The following GAP43 variants were observed in gnomAD, a reference collection of about 807,000 sequenced individuals.
GAP43 encodes neuromodulin.
A neutral mutation model predicts 18.6 loss-of-function variants in GAP43; 6 were observed. That is an observed-to-expected ratio of 0.32 (90% CI 0.18 to 0.64). The LOEUF is 0.64. Ranked by LOEUF, GAP43 falls within the 30% of genes least tolerant of loss-of-function variation. The pLI is 0.78. For missense variants in GAP43, 292 were observed against 295.5 expected (o/e 0.99, Z 0.09); for synonymous variants, 115 against 111.4 (o/e 1.03, Z -0.20).
chr3:115,719,833 G>T (rs1709555048), intron 2 of GAP43, among the ~76,000 whole-genome samples: 1 of 152,152 alleles, frequency 6.6e-6, no homozygotes, highest in Admixed American at 6.6e-5. Flanking sequence ...TGATTGTTTG[G>T]CAACACAAGT....
chr3:115,667,074 C>T (rs1017690376), intron 1 of GAP43, among the ~76,000 whole-genome samples: 2 of 152,116 alleles, frequency 1.3e-5, no homozygotes, highest in Non-Finnish European at 2.9e-5. Context: ...AGTTTACACA[C>T]TCTCTGAGCA....
intron 2 of GAP43, among the ~76,000 whole-genome samples, chr3:115,687,741 C>A (rs866637879): frequency 1.3e-5 from 2 of 152,110 alleles, no homozygotes; most frequent in Non-Finnish European, 2.9e-5. Flanking sequence ...CTTGGTTAAA[C>A]TTTGATTTCA....
intron 1 of GAP43, among the ~76,000 whole-genome samples, chr3:115,633,803 C>G (rs1056997829): frequency 3.9e-5 from 6 of 152,140 alleles, no homozygotes; most frequent in Non-Finnish European, 5.9e-5. Context: ...AATGGTGTAG[C>G]TTTGCTCTAA....
At chr3:115,710,361 TG>T (rs1437521669) in intron 2 of GAP43, among the ~76,000 whole-genome samples, 1 of 152,184 alleles carries the variant, frequency 6.6e-6, no homozygotes, top group Non-Finnish European at 1.5e-5. Context: ...AATCAAATTT[TG>T]TTTGGAGATA....
chr3:115,697,034 C>CCACCATATTGGTCAGGATGGT (rs1428410422), intron 2 of GAP43, among the ~76,000 whole-genome samples: 2 of 151,746 alleles, frequency 1.3e-5, no homozygotes, highest in Non-Finnish European at 1.5e-5. Flanking sequence ...AGATGGGGCT[C>CCACCATATTGGTCAGGATGGT]CACCATATTG....
intron 1 of GAP43, among the ~76,000 whole-genome samples, chr3:115,636,781 T>G (rs569619262): frequency 1.3e-5 from 2 of 152,214 alleles, no homozygotes; most frequent in South Asian, 2.1e-4. Flanking sequence ...TTGTCTTATC[T>G]CCTAGTGGCT....
At chr3:115,712,658 G>A (rs951258131) in intron 2 of GAP43, among the ~76,000 whole-genome samples, 4 of 152,118 alleles carry the variant, frequency 2.6e-5, no homozygotes, top group Admixed American at 1.3e-4. Context: ...CATATTATGT[G>A]TATATTAGGA....
At chr3:115,645,263 T>C (rs1708444284) in intron 1 of GAP43, among the ~76,000 whole-genome samples, 1 of 152,008 alleles carries the variant, frequency 6.6e-6, no homozygotes, top group South Asian at 2.1e-4. Flanking sequence ...CCTTGCTAGG[T>C]TGGAGTTCAG....
At chr3:115,658,369 G>T (rs985857572) in intron 1 of GAP43, among the ~76,000 whole-genome samples, 10 of 152,070 alleles carry the variant, frequency 6.6e-5, no homozygotes, top group African/African-American at 2.4e-4. Context: ...TCGTTTCTCT[G>T]CCTTGGCCTT....
At chr3:115,636,250 A>G (rs1708328663) in intron 1 of GAP43, among the ~76,000 whole-genome samples, 1 of 152,120 alleles carries the variant, frequency 6.6e-6, no homozygotes, top group Admixed American at 6.6e-5. Flanking sequence ...ACTCTTAACA[A>G]TATCTTTGAG....
At chr3:115,630,210 T>G (rs976555723) in intron 1 of GAP43, among the ~76,000 whole-genome samples, 1 of 152,096 alleles carries the variant, frequency 6.6e-6, no homozygotes, top group East Asian at 1.9e-4. Context: ...CAACTAAGAG[T>G]AGCAATATTT....
At chr3:115,647,462 A>C (rs915273883) in intron 1 of GAP43, among the ~76,000 whole-genome samples, 4 of 152,106 alleles carry the variant, frequency 2.6e-5, no homozygotes, top group South Asian at 4.1e-4. Context: ...AAAACAAGGC[A>C]GTTTGTAATT....
intron 2 of GAP43, among the ~76,000 whole-genome samples, chr3:115,706,253 T>A (rs1709361527): frequency 6.6e-6 from 1 of 152,040 alleles, no homozygotes; most frequent in South Asian, 2.1e-4. Context: ...TAAAAAGAAG[T>A]CTTAGGGTCC....
intron 2 of GAP43, 56 bp downstream of exon 2, chr3:115,676,666 C>G: frequency 6.8e-7 from 1 of 1,469,478 alleles, no homozygotes; most frequent in Non-Finnish European, 9.0e-7. Flanking sequence ...AGTTGCTATT[C>G]GGAAGACCAG....
chr3:115,639,702 C>T (rs1232713776), intron 1 of GAP43, among the ~76,000 whole-genome samples: 1 of 151,996 alleles, frequency 6.6e-6, no homozygotes, highest in Non-Finnish European at 1.5e-5. Context: ...AGGAAAAATG[C>T]TAGTAGATTT....
rs1474506082 is a variant in GAP43 at position 115,698,231 on chromosome 3, T to C, written c.628+21621T>C. Among the ~76,000 whole-genome samples, 7 of 53,470 alleles carry C rather than the reference T, an allele frequency of 1.3e-4. 1 individual carries two copies. Among genetic ancestry groups the C allele is most frequent in the African/African-American group, 5.2e-4 (7 of 13,560 alleles). 35.1% of individuals were successfully genotyped at this position (53,470 alleles called of 152,430 possible). The stretch of plus-strand genomic sequence containing the variant: ...TATATAAAATATATAATATATAATA[T>C]ATATAAAATATATATAATATATAAT... On this transcript the variant is annotated intron_variant, in intron 2 of 2. Coordinates refer to ENST00000305124, the MANE Select transcript of GAP43 (RefSeq NM_002045.4).
intron 2 of GAP43, among the ~76,000 whole-genome samples, chr3:115,713,613 C>T (rs1577003833): frequency 6.6e-6 from 1 of 152,238 alleles, no homozygotes; most frequent in South Asian, 2.1e-4. Context: ...ATGCTATTCT[C>T]ATCCTTTCAA....
chr3:115,694,252 A>T (rs1034730769), intron 2 of GAP43, among the ~76,000 whole-genome samples: 2 of 152,232 alleles, frequency 1.3e-5, no homozygotes, highest in African/African-American at 4.8e-5. Flanking sequence ...TATCTGGAAT[A>T]AATCCTTATG....
At chr3:115,716,724 AT>A (rs1709508708) in intron 2 of GAP43, among the ~76,000 whole-genome samples, 2 of 38,376 alleles carry the variant, frequency 5.2e-5, no homozygotes, top group Admixed American at 4.9e-4. Flanking sequence ...ACAAATATAT[AT>A]ATATATATAT....
Sources: gnomAD v4.1 joint callset for allele counts (sites outside exome capture counted in the v4.1 genomes callset) on GRCh38, gnomAD v4.1.1 for gene constraint, MANE v1.5 for transcripts, NCBI Gene and HGNC (gene_info 2026-07-23, HGNC 2026-07-21) for gene names.